Variants in UGP2 observed in about 807,000 individuals in gnomAD.
UGP2 encodes the protein UTP--glucose-1-phosphate uridylyltransferase.
Under a neutral mutation model 49.0 loss-of-function variants are expected in UGP2, and 40 were observed. That is an observed-to-expected ratio of 0.82 (90% CI 0.63 to 1.06). UGP2 has a LOEUF of 1.06. Among genes scored for constraint, UGP2 ranks in the 50% least tolerant of loss-of-function variants. The pLI, the probability that UGP2 is intolerant of heterozygous loss-of-function variation, is 0.00. For synonymous variants in UGP2, 225 were observed against 213.0 expected (o/e 1.06, Z -0.49); for missense variants, 460 against 603.5 (o/e 0.76, Z 2.49).
At chr2:63,870,364 C>T (rs184993001) in intron 3 of UGP2, among the ~76,000 whole-genome samples, 198 of 152,130 alleles carry the variant, frequency 1.3e-3, no homozygotes, top group African/African-American at 4.0e-3. Flanking sequence ...TTTGCTTTTC[C>T]GGGCTTGTGA....
Position 63,887,446 on chromosome 2 carries a change from A to AG in UGP2, c.1120dup (p.Ala374GlyfsTer7), listed in dbSNP as rs769400835. 1 of 1,614,066 alleles carries AG rather than the reference A, an allele frequency of 6.2e-7. No homozygotes were observed. The highest frequency in any genetic ancestry group is 8.5e-7 in the Non-Finnish European group (1 of 1,179,988). On this transcript the variant is annotated frameshift_variant, in exon 8 of 10. Transcript: ENST00000337130. LOFTEE classifies it high-confidence loss of function. ...ATGTCATTCAATTAGAAACTGCAGT[A>AG]GGGGCTGCCATCAAAAGTTTTGAGA...
rs142387122 is a variant in UGP2 at position 63,857,748 on chromosome 2, T to C, written c.148-81T>C. 1.2e-4 allele frequency: 164 copies of C among 1,344,548 alleles called. 1 individual carries two copies. In the East Asian group the frequency reaches 3.5e-3, roughly 29 times the overall value. The allele number at this position is 1,344,548 out of a possible 1,614,324, so 83.3% of individuals were successfully genotyped here. ...GAATTTCATTTAACGATATTTTAAATGTGTAACTTGTATCTGTCTTTATGT... is the reference window on the plus strand; with the variant it reads ...GAATTTCATTTAACGATATTTTAAACGTGTAACTTGTATCTGTCTTTATGT... On this transcript the variant is annotated intron_variant, in intron 2 of 9. Transcript: ENST00000337130.
chr2:63,889,817 T>A (rs968611870), intron 8 of UGP2: 240 of 237,044 alleles, frequency 1.0e-3, no homozygotes, highest in East Asian at 2.4e-3. Context: ...TGATTATCTT[T>A]AAAAAAAAAA....
chr2:63,854,525 TGAA>T lies in UGP2; in HGVS notation c.20-1776_20-1774del, dbSNP rs1235846761. On this transcript the variant is annotated intron_variant, in intron 1 of 9. Coordinates refer to ENST00000337130, the MANE Select transcript of UGP2 (RefSeq NM_006759.4). Reference sequence around the variant, plus strand: ...CCTTTCTTAAAAAATTCAGGATGGATGAAGAAGTCACCACTAAGGGAAATGGTT... The same window carrying T: ...CCTTTCTTAAAAAATTCAGGATGGATGAAGTCACCACTAAGGGAAATGGTT... Among the ~76,000 whole-genome samples, 6 of 152,232 alleles carry T rather than the reference TGAA, an allele frequency of 3.9e-5. No individual in the cohort carries two copies. The East Asian group carries it at 9.6e-4, about 24-fold the overall frequency.
chr2:63,890,794 T>G (rs145232321), intron 9 of UGP2, among the ~76,000 whole-genome samples: 1 of 152,288 alleles, frequency 6.6e-6, no homozygotes, highest in Non-Finnish European at 1.5e-5. Flanking sequence ...CACCTTTTAA[T>G]TTCTCTATGA....
chr2:63,860,129 CT>C (rs966645117), intron 3 of UGP2, among the ~76,000 whole-genome samples: 29 of 152,174 alleles, frequency 1.9e-4, no homozygotes, highest in East Asian at 5.8e-4. Context: ...GAACATAGGT[CT>C]TTTTTTAAAA....
At chr2:63,876,350 A>T (rs1392734891) in intron 3 of UGP2, among the ~76,000 whole-genome samples, 1 of 152,086 alleles carries the variant, frequency 6.6e-6, no homozygotes, top group Non-Finnish European at 1.5e-5. Context: ...ACCTTTGTGC[A>T]CACCCCTGTG....
At position 63,885,581 on chromosome 2, in the gene UGP2, T is replaced by C. The variant is rs769386218; in HGVS notation, c.576-8T>C. The stretch of plus-strand genomic sequence containing the variant: ...CAATATTGAAAAAGAACTTTTTTTT[T>C]TTTAAAGGTACCCGAGGATTAATAA... On this transcript the variant is annotated splice_polypyrimidine_tract_variant and splice_region_variant and intron_variant, in intron 5 of 9. Coordinates refer to ENST00000337130, the MANE Select transcript of UGP2 (RefSeq NM_006759.4). The C allele has an allele frequency of 6.6e-7, 1 of 1,520,406 alleles. No individual in the cohort carries two copies. The allele number at this position is 1,520,406 out of a possible 1,614,324, so 94.2% of individuals were successfully genotyped here.
intron 3 of UGP2, among the ~76,000 whole-genome samples, chr2:63,879,350 AATT>A (rs1289393982): frequency 1.3e-5 from 2 of 152,236 alleles, no homozygotes; most frequent in Non-Finnish European, 1.5e-5. Context: ...TAGCTTTCAG[AATT>A]ATTGTAGCAT....
chr2:63,852,432 A>G (rs1669105549), intron 1 of UGP2, among the ~76,000 whole-genome samples: 1 of 152,252 alleles, frequency 6.6e-6, no homozygotes, highest in Non-Finnish European at 1.5e-5. Context: ...GGAATAGGAA[A>G]TTGCAGCCTT....
At chr2:63,871,051 CACATA>C (rs1251006750) in intron 3 of UGP2, among the ~76,000 whole-genome samples, 3 of 152,190 alleles carry the variant, frequency 2.0e-5, no homozygotes, top group East Asian at 3.8e-4. Context: ...TTGTAAAATA[CACATA>C]ACATAAAATT....
At chr2:63,871,308 T>C (rs558529585) in intron 3 of UGP2, among the ~76,000 whole-genome samples, 34 of 152,264 alleles carry the variant, frequency 2.2e-4, no homozygotes, top group African/African-American at 7.0e-4. Flanking sequence ...CTTTTTTTTT[T>C]CCTCCTTGCT....
chr2:63,857,514 C>T (rs1214331196), intron 2 of UGP2: 1 of 435,926 alleles, frequency 2.3e-6, no homozygotes. Context: ...AGGCACACAC[C>T]ACCACATCTG....
chr2:63,871,504 T>G (rs898995458), intron 3 of UGP2, among the ~76,000 whole-genome samples: 3 of 152,226 alleles, frequency 2.0e-5, no homozygotes, highest in Non-Finnish European at 2.9e-5. Context: ...CAGGCTGGTG[T>G]TGAACTCCTG....
intron 9 of UGP2, among the ~76,000 whole-genome samples, chr2:63,890,797 C>A (rs1672080595): frequency 6.6e-6 from 1 of 152,106 alleles, no homozygotes; most frequent in African/African-American, 2.4e-5. Flanking sequence ...CTTTTAATTT[C>A]TCTATGAAGG....
At chr2:63,858,659 A>G (rs1669618591) in intron 3 of UGP2, among the ~76,000 whole-genome samples, 1 of 151,658 alleles carries the variant, frequency 6.6e-6, no homozygotes, top group African/African-American at 2.4e-5. Flanking sequence ...TTTAGGGTCT[A>G]TTTTGGTCTT....
rs984283125 is a variant in UGP2, at chr2:63,891,453, A to G, written c.*226A>G. ...AAAAGTTAGTTCATCTTAAAGTGCA[A>G]TATTGTTTAATCTTAAAACTGGGCA... On this transcript the variant is annotated 3_prime_UTR_variant, in exon 10 of 10. Transcript: ENST00000337130. 23 of 346,152 alleles carry G rather than the reference A, an allele frequency of 6.6e-5. No homozygotes were observed. The highest frequency in any genetic ancestry group is 4.7e-4 in the African/African-American group (22 of 47,214). 21.4% of individuals were successfully genotyped at this position (346,152 alleles called of 1,614,324 possible).
chr2:63,858,711 C>G (rs2104285641), intron 3 of UGP2, among the ~76,000 whole-genome samples: 1 of 151,622 alleles, frequency 6.6e-6, no homozygotes, highest in East Asian at 1.9e-4. Flanking sequence ...ATTTATTTTT[C>G]TACTTTTAAG....
At chr2:63,849,650 G>A (rs903390735) in intron 1 of UGP2, among the ~76,000 whole-genome samples, 1 of 152,150 alleles carries the variant, frequency 6.6e-6, no homozygotes, top group Non-Finnish European at 1.5e-5. Flanking sequence ...TGAGCTGCCG[G>A]TTTTCATTCA....
Sources: allele counts gnomAD v4.1 joint callset (sites outside exome capture counted in the v4.1 genomes callset), GRCh38; gene constraint gnomAD v4.1.1; transcripts MANE v1.5; gene names NCBI Gene and HGNC (gene_info 2026-07-23, HGNC 2026-07-21).